The following DLG2 variants were observed in gnomAD, a reference collection of about 807,000 sequenced individuals.
DLG2 encodes the protein discs large MAGUK scaffold protein 2.
In DLG2, 45 loss-of-function variants were observed where a neutral mutation model predicts 132.5. The observed-to-expected ratio is 0.34, with a 90% CI of 0.27 to 0.44. DLG2 has a LOEUF of 0.44. Among genes scored for constraint, DLG2 ranks in the 20% least tolerant of loss-of-function variants. The pLI, the probability that DLG2 is intolerant of heterozygous loss-of-function variation, is 1.00. For missense variants in DLG2, 1,045 were observed against 1,196.9 expected, an observed-to-expected ratio of 0.87 and a Z score of 1.87; for synonymous variants, 424 against 419.6, an observed-to-expected ratio of 1.01 and a Z score of -0.13.
intron 19 of DLG2, among the ~76,000 whole-genome samples, chr11:83,543,022 C>T (rs1336112628): frequency 1.3e-5 from 2 of 151,626 alleles, no homozygotes; most frequent in Admixed American, 1.3e-4. Context: ...TTTTTTTTGC[C>T]CATCAAAGAA....
intron 8 of DLG2, among the ~76,000 whole-genome samples, chr11:84,173,537 AAC>A: frequency 6.6e-6 from 1 of 152,192 alleles, no homozygotes; most frequent in African/African-American, 2.4e-5. Flanking sequence ...GGGAAATAAA[AAC>A]TGGGTGCTAA....
chr11:85,593,601 G>A (rs1232134130), intron 3 of DLG2, among the ~76,000 whole-genome samples: 4 of 152,026 alleles, frequency 2.6e-5, no homozygotes, highest in Non-Finnish European at 5.9e-5. Flanking sequence ...AATAAATACA[G>A]CCAAGTTGCT....
chr11:83,851,166 G>C (rs1244289185), intron 16 of DLG2, among the ~76,000 whole-genome samples: 3 of 120,592 alleles, frequency 2.5e-5, no homozygotes, highest in African/African-American at 1.0e-4. Context: ...GACAGAGTGA[G>C]ACTCCGTCTC....
intron 9 of DLG2, among the ~76,000 whole-genome samples, chr11:84,161,806 T>C (rs1254239602): frequency 1.3e-5 from 2 of 152,144 alleles, no homozygotes; most frequent in South Asian, 2.1e-4. Flanking sequence ...ATAAATCATA[T>C]AGCTTGTCTT....
chr11:84,133,099 G>A (rs1426387533), intron 9 of DLG2, among the ~76,000 whole-genome samples: 1 of 152,012 alleles, frequency 6.6e-6, no homozygotes, highest in Admixed American at 6.6e-5. Context: ...GTTAAGTCGA[G>A]GTTGGCATGC....
intron 6 of DLG2, among the ~76,000 whole-genome samples, chr11:85,054,557 T>C (rs780618247): frequency 6.6e-6 from 1 of 152,166 alleles, no homozygotes. Context: ...TCTACCAAAA[T>C]ATGCACTTGT....
chr11:84,420,159 T>A (rs1601802787), intron 7 of DLG2, among the ~76,000 whole-genome samples: 1 of 152,176 alleles, frequency 6.6e-6, no homozygotes, highest in African/African-American at 2.4e-5. Context: ...TAGTAAAGTA[T>A]ACGGTTACTT....
At chr11:84,349,832 T>C (rs1301696664) in intron 7 of DLG2, among the ~76,000 whole-genome samples, 1 of 119,636 alleles carries the variant, frequency 8.4e-6, no homozygotes, top group Non-Finnish European at 1.6e-5. Context: ...AGACTCTGCC[T>C]CTAAAATATA....
intron 19 of DLG2, among the ~76,000 whole-genome samples, chr11:83,553,646 C>T (rs1043649115): frequency 2.6e-5 from 4 of 152,030 alleles, no homozygotes; most frequent in African/African-American, 9.7e-5. Context: ...TCCTCAGTGA[C>T]TGTTCAAAAA....
chr11:84,197,036 C>CAAAAAAA (rs60877284), intron 8 of DLG2, among the ~76,000 whole-genome samples: 2 of 87,932 alleles, frequency 2.3e-5, no homozygotes, highest in African/African-American at 4.4e-5. Flanking sequence ...GACTCTTTCT[C>CAAAAAAA]AAAAAAAAAA....
intron 3 of DLG2, among the ~76,000 whole-genome samples, chr11:85,385,424 G>A (rs142673769): frequency 1.5e-4 from 23 of 152,192 alleles, no homozygotes; most frequent in African/African-American, 4.8e-4. Context: ...TTCTTCCCAA[G>A]TTTTATAAAA....
At chr11:83,768,415 A>G (rs1009190486) in intron 18 of DLG2, among the ~76,000 whole-genome samples, 2 of 152,082 alleles carry the variant, frequency 1.3e-5, no homozygotes, top group African/African-American at 4.8e-5. Context: ...CAAAATTGCT[A>G]TTATTTTTCT....
rs139206736 is a variant in DLG2, at chr11:83,759,799, T to C, written c.1825+26891A>G. Among the ~76,000 whole-genome samples the C allele has an allele frequency of 3.8e-3, 583 of 152,284 alleles. 11 individuals carry two copies. The highest frequency in any genetic ancestry group is 1.0e-3 in the Non-Finnish European group (71 of 68,020). Reference sequence around the variant, plus strand: ...GGACTGCCAAATTCCTGTTCTTCACTAGGAGAAGTCCTATAGGTTCTATAA... The same window carrying C: ...GGACTGCCAAATTCCTGTTCTTCACCAGGAGAAGTCCTATAGGTTCTATAA... On this transcript the variant is annotated intron_variant, in intron 18 of 27. Coordinates refer to ENST00000376104, the MANE Select transcript of DLG2 (RefSeq NM_001142699.3).
intron 11 of DLG2, among the ~76,000 whole-genome samples, chr11:83,981,233 T>C (rs747414854): frequency 6.6e-6 from 1 of 152,198 alleles, no homozygotes; most frequent in Non-Finnish European, 1.5e-5. Flanking sequence ...AGAAGCTAGA[T>C]GCTTGCCTTT....
chr11:84,166,500 C>CAAAAAAAAAAAA (rs398016937), intron 8 of DLG2, among the ~76,000 whole-genome samples: 5 of 81,026 alleles, frequency 6.2e-5, no homozygotes, highest in African/African-American at 2.4e-4. Flanking sequence ...GACTCTGCTT[C>CAAAAAAAAAAAA]AAAAAAAAAA....
At chr11:84,735,854 TG>T (rs1452835985) in intron 6 of DLG2, among the ~76,000 whole-genome samples, 5 of 152,156 alleles carry the variant, frequency 3.3e-5, no homozygotes, top group African/African-American at 9.6e-5. Flanking sequence ...TCACAGTCTG[TG>T]GTTTGTCTTT....
chr11:84,064,131 C>T (rs1279556185), intron 10 of DLG2, among the ~76,000 whole-genome samples: 44 of 150,674 alleles, frequency 2.9e-4, no homozygotes, highest in Admixed American at 2.9e-3. Flanking sequence ...ATATATATAA[C>T]AAAAAAATTT....
At chr11:84,928,982 G>GTGTATATATATATATATATATA (rs1400906684) in intron 6 of DLG2, among the ~76,000 whole-genome samples, 3 of 49,116 alleles carry the variant, frequency 6.1e-5, no homozygotes, top group Non-Finnish European at 1.1e-4. Flanking sequence ...GTGTGTGTGT[G>GTGTATATATATATATATATATA]TATATATATA....
Position 83,486,254 on chromosome 11 carries a change from GAAAAT to G in DLG2, c.2194-2031_2194-2027del, listed in dbSNP as rs1454715498. 5 of 671,888 alleles carry G rather than the reference GAAAAT, an allele frequency of 7.4e-6. No individual in the cohort carries two copies. In the African/African-American group the frequency reaches 9.1e-5, roughly 12 times the overall value. The allele number at this position is 671,888 out of a possible 1,614,324, so 41.6% of individuals were successfully genotyped here. Reference sequence around the variant, plus strand: ...CAAGCATATTTAAACTCCAGTAACTGAAAATAAAAGAAAAAAAATCATGTAAGAAT... The same window carrying G: ...CAAGCATATTTAAACTCCAGTAACTGAAAAGAAAAAAAATCATGTAAGAAT... On this transcript the variant is annotated intron_variant, in intron 21 of 27. Coordinates refer to ENST00000376104, the MANE Select transcript of DLG2 (RefSeq NM_001142699.3).
Sources: gnomAD v4.1 joint callset for allele counts (sites outside exome capture counted in the v4.1 genomes callset) on GRCh38, gnomAD v4.1.1 for gene constraint, MANE v1.5 for transcripts, NCBI Gene and HGNC (gene_info 2026-07-23, HGNC 2026-07-21) for gene names.